The following ADAMTS6 variants were observed in gnomAD, a reference collection of about 807,000 sequenced individuals.
ADAMTS6 encodes the protein A disintegrin and metalloproteinase with thrombospondin motifs 6.
Under a neutral mutation model 144.3 loss-of-function variants are expected in ADAMTS6, and 23 were observed. That is an observed-to-expected ratio of 0.16 (90% CI 0.11 to 0.23). The LOEUF (loss-of-function observed/expected upper bound fraction) is 0.23, where lower values mean the gene tolerates loss of function less well. ADAMTS6 is among the 10% of genes least tolerant of loss of function. The pLI is 1.00. For missense variants in ADAMTS6, 999 were observed against 1,379.6 expected (o/e 0.72, Z 4.37); for synonymous variants, 444 against 457.5 (o/e 0.97, Z 0.38).
intron 3 of ADAMTS6, among the ~76,000 whole-genome samples, chr5:65,463,144 G>A (rs1759751544): frequency 6.6e-6 from 1 of 151,060 alleles, no homozygotes; most frequent in Non-Finnish European, 1.5e-5. Flanking sequence ...TAAACATTAA[G>A]AGGGGAGATA....
At chr5:65,370,850 A>T (rs184781712) in intron 7 of ADAMTS6, among the ~76,000 whole-genome samples, 1 of 152,306 alleles carries the variant, frequency 6.6e-6, no homozygotes, top group South Asian at 2.1e-4. Flanking sequence ...GACAGCAGTA[A>T]CCTCTGCAGA....
At chr5:65,407,485 T>A (rs1243919401) in intron 7 of ADAMTS6, among the ~76,000 whole-genome samples, 1 of 73,236 alleles carries the variant, frequency 1.4e-5, no homozygotes. Context: ...CTATCCCTCC[T>A]CCCTCCCCCC....
rs190925774 is a variant in ADAMTS6 at position 65,177,969 on chromosome 5, C to G, written c.2911-4961G>C. 2.0e-5 allele frequency among the ~76,000 whole-genome samples: 3 copies of G among 152,286 alleles called. No homozygotes were observed. In the East Asian group the frequency reaches 5.8e-4, roughly 29 times the overall value. On this transcript the variant is annotated intron_variant, in intron 22 of 24. Transcript: ENST00000381055. ...GTCCAGCACCTTGCAGGTCAGTCCC[C>G]GAGGGCCATCCAGCCTCCCTCTTCC...
chr5:65,405,032 A>G (rs1248238204), intron 7 of ADAMTS6, among the ~76,000 whole-genome samples: 2 of 152,138 alleles, frequency 1.3e-5, no homozygotes, highest in Non-Finnish European at 2.9e-5. Context: ...TTCATTGTAG[A>G]TTCTGGATAT....
intron 7 of ADAMTS6, among the ~76,000 whole-genome samples, chr5:65,376,168 G>A (rs1751519966): frequency 6.6e-6 from 1 of 152,108 alleles, no homozygotes; most frequent in Non-Finnish European, 1.5e-5. Flanking sequence ...GCTAGATGAC[G>A]AGTTAGTGGG....
rs1441693664 is a variant in ADAMTS6 at position 65,158,733 on chromosome 5, C to T, written c.3245-6788G>A. 2.6e-5 allele frequency among the ~76,000 whole-genome samples: 4 copies of T among 152,164 alleles called. No individual in the cohort carries two copies. In the East Asian group the frequency reaches 7.7e-4, roughly 29 times the overall value. ...CAGTGGCAGTCTGTCAAGATCATGC[C>T]TATAATGTTTTAACCCTTTGCCAAA... On this transcript the variant is annotated intron_variant, in intron 24 of 24. Transcript: ENST00000381055.
At chr5:65,187,037 G>T (rs1754715880) in intron 22 of ADAMTS6, among the ~76,000 whole-genome samples, 1 of 152,182 alleles carries the variant, frequency 6.6e-6, no homozygotes, top group Non-Finnish European at 1.5e-5. Context: ...AATGTATGAG[G>T]TCTACAGGAA....
chr5:65,305,503 A>C (rs1259379398), intron 9 of ADAMTS6, among the ~76,000 whole-genome samples: 1 of 152,166 alleles, frequency 6.6e-6, no homozygotes, highest in Non-Finnish European at 1.5e-5. Context: ...ATAAATAGAG[A>C]GAAAAGAAAA....
chr5:65,196,171 G>A (rs1299480761), intron 21 of ADAMTS6, among the ~76,000 whole-genome samples: 3 of 152,092 alleles, frequency 2.0e-5, no homozygotes, highest in Non-Finnish European at 4.4e-5. Context: ...TACAACAACA[G>A]AACTTTAAAC....
chr5:65,345,219 C>A (rs1259599717), intron 7 of ADAMTS6, among the ~76,000 whole-genome samples: 1 of 151,660 alleles, frequency 6.6e-6, no homozygotes, highest in African/African-American at 2.4e-5. Context: ...TTCCAGTAAT[C>A]TAATAACCTT....
At chr5:65,254,127 G>A (rs907127580) in intron 14 of ADAMTS6, among the ~76,000 whole-genome samples, 1 of 151,936 alleles carries the variant, frequency 6.6e-6, no homozygotes, top group Admixed American at 6.6e-5. Flanking sequence ...TTACAGGAGC[G>A]AGCCACCACG....
chr5:65,182,443 C>CAAAAA (rs1216237939), intron 22 of ADAMTS6, among the ~76,000 whole-genome samples: 7 of 56,452 alleles, frequency 1.2e-4, no homozygotes, highest in Non-Finnish European at 1.6e-4. Context: ...GACTCCATCT[C>CAAAAA]AAAAAAAAAA....
intron 7 of ADAMTS6, among the ~76,000 whole-genome samples, chr5:65,342,228 G>T (rs1561444889): frequency 6.6e-6 from 1 of 151,998 alleles, no homozygotes; most frequent in Non-Finnish European, 1.5e-5. Context: ...ACCCTAGACT[G>T]GGCAATTTAC....
intron 8 of ADAMTS6, among the ~76,000 whole-genome samples, chr5:65,331,862 T>C (rs548981978): frequency 1.3e-5 from 2 of 152,018 alleles, no homozygotes; most frequent in African/African-American, 4.8e-5. Context: ...TACATATATA[T>C]GCAGCTCATT....
At chr5:65,219,558 A>C (rs1249490169) in intron 18 of ADAMTS6, among the ~76,000 whole-genome samples, 1 of 152,206 alleles carries the variant, frequency 6.6e-6, no homozygotes, top group Non-Finnish European at 1.5e-5. Context: ...TTAGTATCAG[A>C]TAAAACAGAC....
At chr5:65,306,902 T>C (rs1743989270) in intron 9 of ADAMTS6, among the ~76,000 whole-genome samples, 1 of 152,342 alleles carries the variant, frequency 6.6e-6, no homozygotes, top group African/African-American at 2.4e-5. Flanking sequence ...GTTCTTTATA[T>C]ATTCTTGAAA....
intron 14 of ADAMTS6, among the ~76,000 whole-genome samples, chr5:65,242,659 C>T (rs1206063062): frequency 1.3e-5 from 2 of 152,132 alleles, no homozygotes; most frequent in African/African-American, 2.4e-5. Context: ...GTGGTTTGGA[C>T]TCCTACTACT....
chr5:65,327,844 A>G (rs1746316276), intron 9 of ADAMTS6, among the ~76,000 whole-genome samples: 1 of 152,234 alleles, frequency 6.6e-6, no homozygotes, highest in Non-Finnish European at 1.5e-5. Flanking sequence ...ACATAAGATA[A>G]TAGTGTTTTC....
At chr5:65,243,913 A>C (rs1759419151) in intron 14 of ADAMTS6, among the ~76,000 whole-genome samples, 1 of 152,162 alleles carries the variant, frequency 6.6e-6, no homozygotes, top group African/African-American at 2.4e-5. Flanking sequence ...AAGTTCATCC[A>C]AGCATGGCTT....
Sources: gnomAD v4.1 joint callset for allele counts (sites outside exome capture counted in the v4.1 genomes callset) on GRCh38, gnomAD v4.1.1 for gene constraint, MANE v1.5 for transcripts, NCBI Gene and HGNC (gene_info 2026-07-23, HGNC 2026-07-21) for gene names.